Variants in PLPPR1 observed in about 807,000 individuals in gnomAD.
PLPPR1 encodes phospholipid phosphatase-related protein type 1.
PLPPR1 carries 10 observed loss-of-function variants against 33.1 expected under a neutral mutation model. The observed-to-expected ratio is 0.30, with a 90% confidence interval of 0.19 to 0.51. The LOEUF is 0.51. Ranked by LOEUF, PLPPR1 falls within the 20% of genes least tolerant of loss-of-function variation. PLPPR1 has a pLI of 0.97. For missense variants in PLPPR1, 304 were observed against 408.1 expected (o/e 0.74, Z 2.20); for synonymous variants, 151 against 151.0 (o/e 1.00, Z 0.00).
At chr9:101,202,990 A>G (rs575122397) in intron 2 of PLPPR1, among the ~76,000 whole-genome samples, 2 of 152,336 alleles carry the variant, frequency 1.3e-5, no homozygotes, top group South Asian at 2.1e-4. Context: ...ATAAACTCCT[A>G]TTGCACAGAA....
intron 1 of PLPPR1, among the ~76,000 whole-genome samples, chr9:101,132,366 GA>G (rs2118615228): frequency 6.6e-6 from 1 of 152,244 alleles, no homozygotes; most frequent in South Asian, 2.1e-4. Flanking sequence ...GAAAAGACAT[GA>G]AAATTAAAGT....
intron 2 of PLPPR1, among the ~76,000 whole-genome samples, chr9:101,186,475 T>C (rs1414421840): frequency 6.6e-6 from 1 of 151,756 alleles, no homozygotes; most frequent in African/African-American, 2.4e-5. Flanking sequence ...CGGCATCTTT[T>C]AGGCTGACTG....
intron 2 of PLPPR1, among the ~76,000 whole-genome samples, chr9:101,248,977 A>G (rs926897025): frequency 1.3e-5 from 2 of 152,094 alleles, no homozygotes; most frequent in African/African-American, 4.8e-5. Flanking sequence ...GAACAACTTA[A>G]TCTAAGATTA....
Position 101,062,726 on chromosome 9 carries a change from C to T in PLPPR1, c.-46+33624C>T, listed in dbSNP as rs560539294. 2.0e-5 allele frequency among the ~76,000 whole-genome samples: 3 copies of T among 152,108 alleles called. No individual in the cohort carries two copies. The South Asian group carries it at 6.2e-4, about 32-fold the overall frequency. ...AATATTCTTTCCCAGAAGAGACTCT[C>T]AAATGAAAACTGATCCAATAGATAA... On this transcript the variant is annotated intron_variant, in intron 1 of 7. Transcript: ENST00000374874.
chr9:101,084,682 A>G (rs1331838893), intron 1 of PLPPR1, among the ~76,000 whole-genome samples: 1 of 152,200 alleles, frequency 6.6e-6, no homozygotes, highest in African/African-American at 2.4e-5. Flanking sequence ...TTTTGATTCA[A>G]GGATTTCTTT....
intron 4 of PLPPR1, among the ~76,000 whole-genome samples, chr9:101,302,693 C>A (rs1828776288): frequency 1.3e-5 from 2 of 152,138 alleles, no homozygotes; most frequent in African/African-American, 4.8e-5. Flanking sequence ...CACTGGTAAA[C>A]CCCTGCCATT....
At chr9:101,240,311 T>C (rs1280994533) in intron 2 of PLPPR1, among the ~76,000 whole-genome samples, 1 of 152,022 alleles carries the variant, frequency 6.6e-6, no homozygotes, top group Non-Finnish European at 1.5e-5. Context: ...TTGCAGTATA[T>C]TTTGAAGTCA....
intron 1 of PLPPR1, among the ~76,000 whole-genome samples, chr9:101,136,740 C>T (rs1370247121): frequency 6.6e-6 from 1 of 152,158 alleles, no homozygotes; most frequent in Non-Finnish European, 1.5e-5. Context: ...CTTGCAGCAT[C>T]TGGCTCTTCT....
intron 2 of PLPPR1, among the ~76,000 whole-genome samples, chr9:101,255,438 T>G (rs1256092862): frequency 6.6e-6 from 1 of 152,152 alleles, no homozygotes; most frequent in Non-Finnish European, 1.5e-5. Flanking sequence ...CCCTTCTGGA[T>G]TTACAGGAGT....
chr9:101,117,159 G>A (rs1831127228), intron 1 of PLPPR1, among the ~76,000 whole-genome samples: 1 of 152,052 alleles, frequency 6.6e-6, no homozygotes, highest in African/African-American at 2.4e-5. Flanking sequence ...ATAGAGGCTG[G>A]GTAAAATGAG....
At chr9:101,219,073 C>T (rs956526507) in intron 2 of PLPPR1, among the ~76,000 whole-genome samples, 69 of 152,164 alleles carry the variant, frequency 4.5e-4, no homozygotes, top group Admixed American at 1.1e-3. Flanking sequence ...GTCATGAACA[C>T]GCTCCTCCAT....
intron 1 of PLPPR1, among the ~76,000 whole-genome samples, chr9:101,047,643 C>A (rs1830169961): frequency 6.6e-6 from 1 of 152,036 alleles, no homozygotes; most frequent in Non-Finnish European, 1.5e-5. Flanking sequence ...TTCATTGCAG[C>A]CAGCATGAAT....
chr9:101,135,471 A>AGTTTT (rs1435401869), intron 1 of PLPPR1, among the ~76,000 whole-genome samples: 1 of 152,082 alleles, frequency 6.6e-6, no homozygotes, highest in Non-Finnish European at 1.5e-5. Flanking sequence ...TAAATGGTCC[A>AGTTTT]GTTTTGTTTT....
chr9:101,268,592 G>T (rs1469629813), intron 2 of PLPPR1, among the ~76,000 whole-genome samples: 1 of 152,220 alleles, frequency 6.6e-6, no homozygotes, highest in Admixed American at 6.5e-5. Context: ...ATCAGGAAAT[G>T]TGGGTTTCTA....
At chr9:101,165,240 G>A (rs1378663169) in intron 1 of PLPPR1, among the ~76,000 whole-genome samples, 1 of 152,182 alleles carries the variant, frequency 6.6e-6, no homozygotes, top group Non-Finnish European at 1.5e-5. Context: ...GAGGGTTTAA[G>A]AGATGGTGAT....
At chr9:101,140,689 G>T (rs753086519) in intron 1 of PLPPR1, among the ~76,000 whole-genome samples, 22 of 152,140 alleles carry the variant, frequency 1.4e-4, no homozygotes, top group Non-Finnish European at 2.6e-4. Flanking sequence ...GTGTGGAGCA[G>T]AATAGGGATA....
At chr9:101,223,702 C>G (rs140194272) in intron 2 of PLPPR1, among the ~76,000 whole-genome samples, 1 of 152,078 alleles carries the variant, frequency 6.6e-6, no homozygotes, top group Non-Finnish European at 1.5e-5. Context: ...CCCCTACCAA[C>G]CTGTGAAGAG....
Position 101,132,868 on chromosome 9 carries a change from A to G in PLPPR1, c.-45-52582A>G, listed in dbSNP as rs149837046. Among the ~76,000 whole-genome samples, 3 of 152,302 alleles carry G rather than the reference A, an allele frequency of 2.0e-5. No individual in the cohort carries two copies. The East Asian group carries it at 5.8e-4, about 29-fold the overall frequency. On this transcript the variant is annotated intron_variant, in intron 1 of 7. Coordinates refer to ENST00000374874, the MANE Select transcript of PLPPR1 (RefSeq NM_207299.2). ...AAAGAATGCATTAGTGAATTCCAGT[A>G]CTTAAGTGGACTTTTTCATCCCTTC... is the stretch of plus-strand genomic sequence containing the variant.
chr9:101,225,005 C>G (rs1249986295), intron 2 of PLPPR1, among the ~76,000 whole-genome samples: 1 of 152,162 alleles, frequency 6.6e-6, no homozygotes, highest in Non-Finnish European at 1.5e-5. Flanking sequence ...ATTTTGATAT[C>G]TGTCTTTGGA....
Sources: allele counts gnomAD v4.1 joint callset (sites outside exome capture counted in the v4.1 genomes callset), GRCh38; gene constraint gnomAD v4.1.1; transcripts MANE v1.5; gene names NCBI Gene and HGNC (gene_info 2026-07-23, HGNC 2026-07-21).